Variants in IQCM observed in about 807,000 individuals in gnomAD.
IQCM encodes IQ motif containing M.
In IQCM, 45 loss-of-function variants were observed where a neutral mutation model predicts 57.6. That is an observed-to-expected ratio of 0.78 (90% CI 0.62 to 1.00). The LOEUF is 1.00. Among genes scored for constraint, IQCM ranks in the 50% least tolerant of loss-of-function variants. IQCM has a pLI of 0.00. For synonymous variants in IQCM, 148 were observed against 158.9 expected (o/e 0.93, Z 0.51); for missense variants, 468 against 511.6 (o/e 0.91, Z 0.82).
intron 7 of IQCM, among the ~76,000 whole-genome samples, chr4:149,643,662 A>G (rs575611580): frequency 6.6e-6 from 1 of 152,310 alleles, no homozygotes; most frequent in South Asian, 2.1e-4. Flanking sequence ...GGAGGGTGTA[A>G]GTGAGAAAAC....
At chr4:149,660,289 C>T (rs1467897689) in intron 7 of IQCM, among the ~76,000 whole-genome samples, 2 of 152,162 alleles carry the variant, frequency 1.3e-5, no homozygotes, top group Non-Finnish European at 2.9e-5. Context: ...GAGATACCAC[C>T]TCACACCAGT....
chr4:149,696,056 C>T (rs534605000), intron 5 of IQCM, among the ~76,000 whole-genome samples: 3 of 152,250 alleles, frequency 2.0e-5, no homozygotes, highest in Middle Eastern at 3.4e-3. Flanking sequence ...TCCTATTGTT[C>T]AGTTTCTCCA....
At chr4:149,780,874 G>C (rs1274696749) in intron 2 of IQCM, among the ~76,000 whole-genome samples, 1 of 152,102 alleles carries the variant, frequency 6.6e-6, no homozygotes, top group Non-Finnish European at 1.5e-5. Flanking sequence ...AAAATGGAAT[G>C]TATTAAATGC....
chr4:149,539,603 T>C (rs1220254753), intron 12 of IQCM, among the ~76,000 whole-genome samples: 2 of 152,302 alleles, frequency 1.3e-5, no homozygotes, highest in Admixed American at 6.5e-5. Flanking sequence ...GAGTGGTGGC[T>C]CATGCCTGTA....
intron 13 of IQCM, among the ~76,000 whole-genome samples, chr4:149,410,815 A>C (rs990223745): frequency 1.3e-5 from 2 of 152,140 alleles, no homozygotes; most frequent in African/African-American, 4.8e-5. Context: ...GTGCTGGCCA[A>C]TAGTTAACAT....
intron 5 of IQCM, among the ~76,000 whole-genome samples, chr4:149,719,886 T>C (rs1204206643): frequency 1.3e-5 from 2 of 152,140 alleles, no homozygotes; most frequent in Non-Finnish European, 1.5e-5. Context: ...CAGACTGAAA[T>C]CTTGTTACCA....
intron 12 of IQCM, among the ~76,000 whole-genome samples, chr4:149,545,814 T>C (rs1275207793): frequency 7.1e-6 from 1 of 141,718 alleles, no homozygotes; most frequent in East Asian, 2.0e-4. Flanking sequence ...AAAAAAAAAG[T>C]GGTATTTTTT....
At chr4:149,383,802 A>G (rs1731234732) in intron 13 of IQCM, among the ~76,000 whole-genome samples, 2 of 152,114 alleles carry the variant, frequency 1.3e-5, no homozygotes, top group Non-Finnish European at 2.9e-5. Context: ...AAAAATAAAA[A>G]TTAGCTGGGC....
At chr4:149,629,114 G>C (rs1355380306) in intron 7 of IQCM, among the ~76,000 whole-genome samples, 1 of 152,166 alleles carries the variant, frequency 6.6e-6, no homozygotes, top group East Asian at 1.9e-4. Flanking sequence ...AATATACTCA[G>C]TTCTCATAGG....
At chr4:149,786,032 T>C (rs1772050460) in intron 2 of IQCM, among the ~76,000 whole-genome samples, 1 of 152,184 alleles carries the variant, frequency 6.6e-6, no homozygotes. Context: ...AATTATATTA[T>C]AATGTGTAGA....
At chr4:149,577,927 G>C (rs529373058) in intron 9 of IQCM, among the ~76,000 whole-genome samples, 1 of 151,858 alleles carries the variant, frequency 6.6e-6, no homozygotes, top group East Asian at 2.0e-4. Flanking sequence ...TCTCATTGTA[G>C]AGATCTTTCA....
intron 12 of IQCM, among the ~76,000 whole-genome samples, chr4:149,548,220 T>C (rs1748652766): frequency 6.6e-6 from 1 of 152,110 alleles, no homozygotes; most frequent in South Asian, 2.1e-4. Context: ...TCCATCTTCC[T>C]CCAAAAAAAC....
chr4:149,586,354 A>G (rs897046790), intron 9 of IQCM, among the ~76,000 whole-genome samples: 1 of 151,616 alleles, frequency 6.6e-6, no homozygotes, highest in Non-Finnish European at 1.5e-5. Flanking sequence ...TCTGTTTTCA[A>G]AAAACTAGAC....
At chr4:149,450,582 T>A (rs750772270) in intron 12 of IQCM, among the ~76,000 whole-genome samples, 2 of 151,658 alleles carry the variant, frequency 1.3e-5, no homozygotes, top group Non-Finnish European at 3.0e-5. Flanking sequence ...AGGAGACATA[T>A]AAAAGGCAAA....
At position 149,387,664 on chromosome 4, in the gene IQCM, G is replaced by C. The variant is rs554920647; in HGVS notation, c.1391-35598C>G. ...CTCTGATAATAGAAACTGGTGCAGGGCCTATTTCTTTTTCTTTATAGCTTT... is the reference window on the plus strand; with the variant it reads ...CTCTGATAATAGAAACTGGTGCAGGCCCTATTTCTTTTTCTTTATAGCTTT... On this transcript the variant is annotated intron_variant, in intron 13 of 13. Coordinates refer to ENST00000636793, the MANE Select transcript of IQCM (RefSeq NM_001363507.2). Among the ~76,000 whole-genome samples, 307 of 151,982 alleles carry C rather than the reference G, an allele frequency of 2.0e-3. 4 individuals are homozygous for C. Among genetic ancestry groups the C allele is most frequent in the African/African-American group, 7.2e-3 (297 of 41,490 alleles).
Position 149,715,243 on chromosome 4 carries a change from G to T in IQCM, c.385+18001C>A, listed in dbSNP as rs186815671. The stretch of plus-strand genomic sequence containing the variant: ...TGGCCCAGATCCCATGCCTGCCAAG[G>T]GTGAGCCAGGCATGGAGTGGCAAGG... On this transcript the variant is annotated intron_variant, in intron 5 of 13. Coordinates refer to ENST00000636793, the MANE Select transcript of IQCM (RefSeq NM_001363507.2). 9.4e-4 allele frequency among the ~76,000 whole-genome samples: 143 copies of T among 152,278 alleles called. 2 individuals carry two copies. In the East Asian group the frequency reaches 0.022, roughly 23 times the overall value.
At chr4:149,762,450 G>A (rs2149966402) in intron 2 of IQCM, among the ~76,000 whole-genome samples, 1 of 151,984 alleles carries the variant, frequency 6.6e-6, no homozygotes, top group East Asian at 1.9e-4. Context: ...TTTATTGGTA[G>A]GGAAAATAGA....
At chr4:149,620,788 T>C (rs1293440418) in intron 8 of IQCM, among the ~76,000 whole-genome samples, 1 of 152,204 alleles carries the variant, frequency 6.6e-6, no homozygotes, top group African/African-American at 2.4e-5. Flanking sequence ...TTCTACATTC[T>C]CCCCTTGCCT....
Position 149,714,277 on chromosome 4 carries a change from G to T in IQCM, c.385+18967C>A, listed in dbSNP as rs1303831756. On this transcript the variant is annotated intron_variant, in intron 5 of 13. Transcript: ENST00000636793. ...CTTCCTCACTTGCTGCTCCTTCTCA[G>T]TCTCTTTGTTAGTTTCTCCTTATTT... Among the ~76,000 whole-genome samples, 3 of 152,178 alleles carry T rather than the reference G, an allele frequency of 2.0e-5. No homozygotes were observed. The East Asian group carries it at 5.8e-4, about 29-fold the overall frequency.
Sources: allele counts gnomAD v4.1 joint callset (sites outside exome capture counted in the v4.1 genomes callset), GRCh38; gene constraint gnomAD v4.1.1; transcripts MANE v1.5; gene names NCBI Gene and HGNC (gene_info 2026-07-23, HGNC 2026-07-21).